Variants in ANKMY1 observed in about 807,000 individuals in gnomAD.
The protein encoded by ANKMY1 is ankyrin repeat and MYND domain containing 1.
ANKMY1 carries 98 observed loss-of-function variants against 102.0 expected under a neutral mutation model. The observed-to-expected ratio is 0.96, with a 90% CI of 0.82 to 1.14. The LOEUF is 1.14. Ranked by LOEUF, ANKMY1 falls within the 50% of genes most tolerant of loss-of-function variation. The pLI is 0.00. For synonymous variants in ANKMY1, 582 were observed against 559.9 expected, an observed-to-expected ratio of 1.04 and a Z score of -0.56; for missense variants, 1,330 against 1,347.6, an observed-to-expected ratio of 0.99 and a Z score of 0.20.
At chr2:240,486,341 GCATA>G (rs1340146150) in intron 15 of ANKMY1, among the ~76,000 whole-genome samples, 1 of 151,858 alleles carries the variant, frequency 6.6e-6, no homozygotes, top group Non-Finnish European at 1.5e-5. Flanking sequence ...TAAATTCAAT[GCATA>G]CATATATATA....
chr2:240,522,119 CATTTTACAGAACGCTGATTGGTCA>C, intron 8 of ANKMY1: 1 of 150,376 alleles, frequency 6.6e-6, no homozygotes, highest in Middle Eastern at 3.4e-3. Flanking sequence ...CTGATTGGTC[CATTTTACAGAACGCTGATTGGTCA>C]ATTTTACAGA....
In ANKMY1 at chr2:240,499,462, G is replaced by T. The variant is rs187243838; in HGVS notation, c.2806+496C>A. 1.4e-4 allele frequency among the ~76,000 whole-genome samples: 21 copies of T among 151,684 alleles called. No homozygotes were observed. In the East Asian group the frequency reaches 4.1e-3, roughly 30 times the overall value. Reference sequence around the variant, plus strand: ...TGGGAGTGACTAGGTGGGTGGGGTTGAGTACGTGGGTGTGGGTACATGGGG... The same window carrying T: ...TGGGAGTGACTAGGTGGGTGGGGTTTAGTACGTGGGTGTGGGTACATGGGG... On this transcript the variant is annotated intron_variant, in intron 15 of 17. Transcript: ENST00000401804. The surrounding 1 kb of genome is among the most constrained non-coding windows in gnomAD (Gnocchi z 4.2).
chr2:240,537,014 C>A (rs1363016053), intron 4 of ANKMY1, among the ~76,000 whole-genome samples: 1 of 151,738 alleles, frequency 6.6e-6, no homozygotes, highest in African/African-American at 2.4e-5. Context: ...CGTGAGCCAC[C>A]GTACCCATCC....
chr2:240,533,383 A>G (rs1188747350), intron 4 of ANKMY1, among the ~76,000 whole-genome samples: 1 of 152,248 alleles, frequency 6.6e-6, no homozygotes, highest in Non-Finnish European at 1.5e-5. Context: ...AGAGTTGTAC[A>G]AAAGAAAAAT....
At chr2:240,469,116 G>C in the ANKMY1 span, among the ~76,000 whole-genome samples, 42 of 152,338 alleles carry the variant, frequency 2.8e-4, 1 homozygote, top group South Asian at 8.1e-3. Context: ...TGTGGACAAC[G>C]CATTTGGTCC....
At position 240,499,822 on chromosome 2, in the gene ANKMY1, G is replaced by T. The variant is rs1466635322; in HGVS notation, c.2806+136C>A. On this transcript the variant is annotated intron_variant, in intron 15 of 17. Transcript: ENST00000401804. The surrounding 1 kb of genome is among the most constrained non-coding windows in gnomAD (Gnocchi z 4.2). ...TCCTTGGACGACGGGACACAAAGGG[G>T]ACAAGCCGACGAGCCCAGCCCCAGG... 9.5e-6 allele frequency: 11 copies of T among 1,163,472 alleles called. No homozygotes were observed. Among genetic ancestry groups the T allele is most frequent in the Admixed American group, 2.8e-5 (1 of 35,212 alleles). 72.1% of individuals were successfully genotyped at this position (1,163,472 alleles called of 1,614,324 possible).
chr2:240,523,628 GCGTGGTACTGAAAACAGCCCGTCAC>G (rs2082747466), intron 8 of ANKMY1: 1 of 574,350 alleles, frequency 1.7e-6, no homozygotes, highest in Non-Finnish European at 3.0e-6. Flanking sequence ...AGCAGGGCTG[GCGTGGTACTGAAAACAGCCCGTCAC>G]CGTGGCACCC....
At chr2:240,542,317 C>T (rs2089102316) in intron 4 of ANKMY1, among the ~76,000 whole-genome samples, 1 of 151,556 alleles carries the variant, frequency 6.6e-6, no homozygotes, top group Non-Finnish European at 1.5e-5. Flanking sequence ...CTAGCCTGGC[C>T]AAGATGGCAA....
intron 11 of ANKMY1, 104 bp from the exon 12 acceptor site, chr2:240,509,559 C>T (rs917419613): frequency 1.9e-5 from 15 of 790,618 alleles, no homozygotes; most frequent in African/African-American, 1.1e-4. Context: ...AGTCACTCAA[C>T]GGCTACTTCC....
chr2:240,477,599 CTGGT>C (rs1231605599), downstream of ANKMY1, among the ~76,000 whole-genome samples: 1 of 152,066 alleles, frequency 6.6e-6, no homozygotes, highest in East Asian at 1.9e-4. Context: ...GTTGCCCAGG[CTGGT>C]CTGGAACTCC....
At chr2:240,560,938 C>T, upstream of ANKMY1, 3 of 1,536,116 alleles carry the variant, frequency 2.0e-6, no homozygotes, top group Non-Finnish European at 2.6e-6. Flanking sequence ...CTGGAGCCCA[C>T]GTGCGCCGCC....
chr2:240,508,800 T>G (rs1275102750), intron 12 of ANKMY1, among the ~76,000 whole-genome samples: 1 of 152,130 alleles, frequency 6.6e-6, no homozygotes, highest in Non-Finnish European at 1.5e-5. Context: ...GGACGGTAGA[T>G]CCTTCCAACT....
chr2:240,560,483 C>T, upstream of ANKMY1: 1 of 764,838 alleles, frequency 1.3e-6, no homozygotes, highest in Non-Finnish European at 1.8e-6. Flanking sequence ...CCGCCATGCC[C>T]CGGCCCCAAC....
chr2:240,493,536 T>C (rs1283967646), intron 15 of ANKMY1, among the ~76,000 whole-genome samples: 3 of 152,174 alleles, frequency 2.0e-5, no homozygotes, highest in Non-Finnish European at 2.9e-5. Flanking sequence ...TAGGGTACTT[T>C]GGCTTTGCTT....
At chr2:240,494,140 C>G (rs76459667) in intron 15 of ANKMY1, among the ~76,000 whole-genome samples, 1 of 152,028 alleles carries the variant, frequency 6.6e-6, no homozygotes, top group East Asian at 1.9e-4. Context: ...GTGCTCAGGC[C>G]CCCCACTGGT....
At chr2:240,560,792 G>C (rs750953578), upstream of ANKMY1, 1 of 1,453,752 alleles carries the variant, frequency 6.9e-7, no homozygotes, top group Non-Finnish European at 9.0e-7. Flanking sequence ...CCGCGGGCGC[G>C]GAGGAGCAGC....
At chr2:240,519,362 G>C (rs1559305391) in intron 9 of ANKMY1, among the ~76,000 whole-genome samples, 2 of 152,246 alleles carry the variant, frequency 1.3e-5, no homozygotes. Flanking sequence ...TTCAGGCAAA[G>C]GGATGAAATA....
rs146330200 is a variant in ANKMY1 at position 240,500,083 on chromosome 2, G to A, written c.2681C>T (p.Pro894Leu). 6 of 1,610,626 alleles carry A rather than the reference G, an allele frequency of 3.7e-6. No homozygotes were observed. The highest frequency in any genetic ancestry group is 5.1e-6 in the Non-Finnish European group (6 of 1,178,706). ...IARCPFHTLM[P>L]AERETFLARK... ...CGCCAGGAACGTCTCGCGCTCTGCT[G>A]GCATCAGCGTGTGGAAGGGGCAGCG... Residue 894 changes from proline to leucine, a missense_variant, in exon 15 of 18, where the codon CCA becomes CTA. Physicochemically the swap from Pro to Leu is moderately conservative, Grantham distance 98. Transcript: ENST00000401804.
intron 9 of ANKMY1, among the ~76,000 whole-genome samples, chr2:240,513,648 G>A (rs1320329095): frequency 2.0e-5 from 3 of 152,252 alleles, no homozygotes; most frequent in Non-Finnish European, 4.4e-5. Context: ...CTTGGGGAGA[G>A]CAGCCGGGTG....
Sources: gnomAD v4.1 joint callset for allele counts (sites outside exome capture counted in the v4.1 genomes callset) on GRCh38, gnomAD v4.1.1 for gene constraint, Gnocchi (gnomAD v3.1) non-coding constraint, MANE v1.5 for transcripts, NCBI Gene and HGNC (gene_info 2026-07-23, HGNC 2026-07-21) for gene names.